Variants in SP100 observed in about 807,000 individuals in gnomAD.
SP100 encodes nuclear autoantigen Sp-100.
Under a neutral mutation model 130.0 loss-of-function variants are expected in SP100, and 84 were observed. The observed-to-expected ratio is 0.65, with a 90% confidence interval of 0.54 to 0.77. The LOEUF (loss-of-function observed/expected upper bound fraction) is 0.77. SP100 is among the 30% of genes least tolerant of loss of function. SP100 has a pLI of 0.00. For synonymous variants in SP100, 331 were observed against 351.7 expected, an observed-to-expected ratio of 0.94 and a Z score of 0.66; for missense variants, 978 against 1,052.2, an observed-to-expected ratio of 0.93 and a Z score of 0.97.
chr2:230,497,488 G>GGAGGGGAGGAGAGGAGAGGA (rs2066736935), intron 18 of SP100, among the ~76,000 whole-genome samples: 1 of 32,468 alleles, frequency 3.1e-5, no homozygotes, highest in Non-Finnish European at 5.9e-5. Context: ...GGAGGGGAGG[G>GGAGGGGAGGAGAGGAGAGGA]GAGGAGAGGA....
At chr2:230,464,611 C>A (rs898765316) in intron 11 of SP100, among the ~76,000 whole-genome samples, 5 of 150,918 alleles carry the variant, frequency 3.3e-5, no homozygotes, top group African/African-American at 1.2e-4. Context: ...TTATTAATGG[C>A]AAAAAAAAAG....
chr2:230,459,726 A>G (rs1379535689), intron 8 of SP100, among the ~76,000 whole-genome samples: 3 of 152,060 alleles, frequency 2.0e-5, no homozygotes, highest in African/African-American at 7.2e-5. Flanking sequence ...CAGCACGAAC[A>G]CCCTAATCTA....
intron 8 of SP100, among the ~76,000 whole-genome samples, chr2:230,458,115 G>A (rs2064380137): frequency 6.7e-6 from 1 of 149,450 alleles, no homozygotes; most frequent in Non-Finnish European, 1.5e-5. Context: ...GGAGGTTAGG[G>A]GTACCAATGC....
intron 28 of SP100, 50 bp from the exon 29 acceptor site, chr2:230,542,786 T>C: frequency 9.3e-7 from 1 of 1,073,788 alleles, no homozygotes; most frequent in Non-Finnish European, 1.4e-6. Flanking sequence ...ACACTGGGTG[T>C]CTCAGCTCAT....
At chr2:230,496,111 T>C (rs1057367366) in intron 18 of SP100, among the ~76,000 whole-genome samples, 1 of 152,194 alleles carries the variant, frequency 6.6e-6, no homozygotes, top group Non-Finnish European at 1.5e-5. Context: ...TAAGATGTTT[T>C]TTCCGTCATG....
intron 11 of SP100, among the ~76,000 whole-genome samples, chr2:230,465,204 C>G (rs1360023113): frequency 6.6e-6 from 1 of 151,830 alleles, no homozygotes; most frequent in Non-Finnish European, 1.5e-5. Flanking sequence ...CCACTGCACT[C>G]CAGCCTGGGT....
At chr2:230,422,550 G>A (rs779595434) in intron 2 of SP100, among the ~76,000 whole-genome samples, 15 of 152,206 alleles carry the variant, frequency 9.9e-5, no homozygotes, top group Non-Finnish European at 2.1e-4. Flanking sequence ...CCCTAAGCAA[G>A]TAATCAAGAT....
At chr2:230,416,867 A>G (rs1420416516) in intron 1 of SP100, 2 of 985,518 alleles carry the variant, frequency 2.0e-6, no homozygotes, top group East Asian at 2.3e-4. Flanking sequence ...AGGAAAGGGA[A>G]GAAAAAGGCC....
chr2:230,481,412 A>G (rs2065827339), intron 17 of SP100, among the ~76,000 whole-genome samples: 1 of 152,158 alleles, frequency 6.6e-6, no homozygotes, highest in African/African-American at 2.4e-5. Context: ...CCAAAAATGT[A>G]GAAGGTGTGC....
At position 230,508,039 on chromosome 2, in the gene SP100, T is replaced by C. The variant is rs745451950; in HGVS notation, c.2052+8T>C. ...CCAAGCACAAGAAAAAAGGTGATGA[T>C]CAAGTGATCTTCTGCCAATGTCTCG... On this transcript the variant is annotated splice_region_variant and intron_variant, in intron 23 of 28. Transcript: ENST00000340126. 6.2e-7 allele frequency: 1 copy of C among 1,613,348 alleles called. No homozygotes were observed. The highest frequency in any genetic ancestry group is 8.5e-7 in the Non-Finnish European group (1 of 1,179,624).
chr2:230,484,898 A>C (rs1364758018), intron 17 of SP100, among the ~76,000 whole-genome samples: 1 of 150,774 alleles, frequency 6.6e-6, no homozygotes, highest in East Asian at 1.9e-4. Flanking sequence ...TTTTTTTCCC[A>C]CTGGTTCATT....
chr2:230,474,418 C>A lies in SP100; in HGVS notation c.1571C>A (p.Ser524Tyr). 1.9e-6 allele frequency: 3 copies of A among 1,539,418 alleles called. No individual in the cohort carries two copies. Among genetic ancestry groups the A allele is most frequent in the Non-Finnish European group, 2.7e-6 (3 of 1,118,310 alleles). ...GATACCATGGATGTTGAAAACAATT[C>A]TACTTTGGAAAAACACAGTGGGAAA... ...MMDTMDVENNSTLEKHSGKRR... is the reference protein window; with the variant it reads ...MMDTMDVENNYTLEKHSGKRR... Residue 524 changes from serine (S) to tyrosine (Y), a missense_variant, in exon 17 of 29, where the codon TCT becomes TAT. Ser to Tyr is a moderately radical substitution (Grantham distance 144). Transcript: ENST00000340126.
intron 21 of SP100, among the ~76,000 whole-genome samples, chr2:230,504,658 G>C (rs1331609093): frequency 6.6e-6 from 1 of 152,118 alleles, no homozygotes. Context: ...AGGAGTCCAG[G>C]GTTTTTACCA....
intron 2 of SP100, among the ~76,000 whole-genome samples, chr2:230,426,006 A>AT (rs1392718837): frequency 4.6e-5 from 7 of 151,812 alleles, no homozygotes; most frequent in South Asian, 2.1e-4. Flanking sequence ...GACTTTATCT[A>AT]TTTTTTCTAG....
At chr2:230,498,311 G>C in intron 18 of SP100, 150 bp from the exon 19 acceptor site, 1 of 396,526 alleles carries the variant, frequency 2.5e-6, no homozygotes, top group Non-Finnish European at 4.6e-6. Context: ...AACCATCAAA[G>C]GCTTGGTAAT....
chr2:230,536,577 C>A (rs111607423), intron 24 of SP100, among the ~76,000 whole-genome samples: 1 of 152,248 alleles, frequency 6.6e-6, no homozygotes, highest in African/African-American at 2.4e-5. Flanking sequence ...CCCCTTATGA[C>A]TGCCTAACCA....
At chr2:230,491,667 T>G (rs2066397851) in intron 17 of SP100, among the ~76,000 whole-genome samples, 2 of 152,310 alleles carry the variant, frequency 1.3e-5, no homozygotes, top group South Asian at 4.1e-4. Context: ...GAGAACTGAC[T>G]ATCATGAGAC....
At chr2:230,477,944 C>A (rs1975001) in intron 17 of SP100, among the ~76,000 whole-genome samples, 95,387 of 130,786 alleles carry the variant, frequency 0.73, 35,596 homozygotes, top group South Asian at 0.82. Context: ...CAAAACAAAA[C>A]AAACAAAAAA....
intron 2 of SP100, among the ~76,000 whole-genome samples, chr2:230,438,324 A>C (rs1250542335): frequency 6.6e-6 from 1 of 151,978 alleles, no homozygotes; most frequent in African/African-American, 2.4e-5. Context: ...GGTTTTGGTT[A>C]CATAGATAAG....
Sources: gnomAD v4.1 joint callset for allele counts (sites outside exome capture counted in the v4.1 genomes callset) on GRCh38, gnomAD v4.1.1 for gene constraint, MANE v1.5 for transcripts, NCBI Gene and HGNC (gene_info 2026-07-23, HGNC 2026-07-21) for gene names.